Variants in PKHD1 observed in about 807,000 individuals in gnomAD.
PKHD1 encodes the protein fibrocystin.
In PKHD1, 291 loss-of-function variants were observed where a neutral mutation model predicts 412.0. The observed-to-expected ratio is 0.71, with a 90% confidence interval of 0.64 to 0.78. The LOEUF (loss-of-function observed/expected upper bound fraction) is 0.78, where lower values mean the gene tolerates loss of function less well. Ranked by LOEUF, PKHD1 falls within the 30% of genes least tolerant of loss-of-function variation. The pLI, the probability that PKHD1 is intolerant of heterozygous loss-of-function variation, is 0.00. For synonymous variants in PKHD1, 1,777 were observed against 1,821.5 expected (o/e 0.98, Z 0.62); for missense variants, 4,825 against 4,950.7 (o/e 0.97, Z 0.76).
intron 60 of PKHD1, among the ~76,000 whole-genome samples, chr6:51,717,978 CT>C (rs1049764281): frequency 6.6e-6 from 1 of 152,182 alleles, no homozygotes; most frequent in African/African-American, 2.4e-5. Context: ...TCCAAAAGGC[CT>C]TTCTCTCAAC....
intron 57 of PKHD1, among the ~76,000 whole-genome samples, chr6:51,750,812 T>C (rs1168761125): frequency 1.3e-5 from 2 of 152,168 alleles, no homozygotes; most frequent in Admixed American, 1.3e-4. Context: ...AGTTTCACTC[T>C]GTTACCCACA....
At chr6:51,900,296 C>T (rs1465043833) in intron 43 of PKHD1, among the ~76,000 whole-genome samples, 1 of 152,180 alleles carries the variant, frequency 6.6e-6, no homozygotes, top group Non-Finnish European at 1.5e-5. Flanking sequence ...GTAACCAAAA[C>T]AGCATGGTAC....
intron 36 of PKHD1, among the ~76,000 whole-genome samples, chr6:51,949,292 G>A (rs1237280797): frequency 6.6e-6 from 1 of 152,200 alleles, no homozygotes; most frequent in Non-Finnish European, 1.5e-5. Flanking sequence ...GAGGAAGCCT[G>A]TGGAATTCCC....
At chr6:52,049,021 A>G (rs1371882657) in intron 22 of PKHD1, among the ~76,000 whole-genome samples, 1 of 152,242 alleles carries the variant, frequency 6.6e-6, no homozygotes, top group Non-Finnish European at 1.5e-5. Context: ...CCATTGCAGC[A>G]TGCTGTAGGT....
intron 49 of PKHD1, among the ~76,000 whole-genome samples, chr6:51,853,085 C>A (rs1392934756): frequency 6.6e-6 from 1 of 151,866 alleles, no homozygotes; most frequent in Admixed American, 6.6e-5. Flanking sequence ...TCTTTCAGCT[C>A]TTGCAGGGCA....
intron 40 of PKHD1, among the ~76,000 whole-genome samples, chr6:51,908,632 A>T (rs752032227): frequency 1.3e-5 from 2 of 152,098 alleles, no homozygotes; most frequent in Non-Finnish European, 2.9e-5. Context: ...GCATTTGGTC[A>T]TATTCTGTTT....
At position 51,994,139 on chromosome 6, in the gene PKHD1, T is replaced by TC. The variant is rs939241243; in HGVS notation, c.5751+16169_5751+16170insG. On this transcript the variant is annotated intron_variant, in intron 35 of 66. Coordinates refer to ENST00000371117, the MANE Select transcript of PKHD1 (RefSeq NM_138694.4). ...CACTACAGAACACTTTTTTTCTTTC[T>TC]TTTTTTTTTTTTTGAGACACAGTCT... Among the ~76,000 whole-genome samples the TC allele has an allele frequency of 1.5e-4, 7 of 45,168 alleles. No homozygotes were observed. In the Admixed American group the frequency reaches 1.6e-3, roughly 10 times the overall value. The allele number at this position is 45,168 out of a possible 152,430, so 29.6% of individuals were successfully genotyped here. A position where few individuals can be genotyped will look rare whatever the true frequency, so the allele number is the denominator to read the frequency against.
At chr6:51,708,555 T>G (rs1427259166) in intron 60 of PKHD1, among the ~76,000 whole-genome samples, 2 of 152,228 alleles carry the variant, frequency 1.3e-5, no homozygotes, top group South Asian at 2.1e-4. Context: ...TTCTGGGAAC[T>G]GAGATTTCAT....
At chr6:51,664,609 T>G (rs1773415636) in intron 60 of PKHD1, among the ~76,000 whole-genome samples, 1 of 152,192 alleles carries the variant, frequency 6.6e-6, no homozygotes, top group Admixed American at 6.5e-5. Flanking sequence ...AAGATTTTGT[T>G]ACTATGGCTC....
At chr6:51,944,076 G>C (rs950004288) in intron 36 of PKHD1, among the ~76,000 whole-genome samples, 1 of 152,030 alleles carries the variant, frequency 6.6e-6, no homozygotes, top group Non-Finnish European at 1.5e-5. Flanking sequence ...AATCACAAAA[G>C]AAGTGATATT....
intron 10 of PKHD1, 22 bp from the exon 11 acceptor site, chr6:52,069,549 G>A (rs1810282653): frequency 6.3e-7 from 1 of 1,593,080 alleles, no homozygotes; most frequent in South Asian, 1.1e-5. Flanking sequence ...ACAAAGTTCT[G>A]TTTTGAATGA....
At chr6:51,761,524 T>C (rs779783396) in intron 55 of PKHD1, among the ~76,000 whole-genome samples, 1 of 152,090 alleles carries the variant, frequency 6.6e-6, no homozygotes, top group Non-Finnish European at 1.5e-5. Flanking sequence ...AGATCTATTG[T>C]GCAACATAGT....
In PKHD1 at chr6:51,615,631, T is replaced by C. The variant is rs1241852541; in HGVS notation, c.*3450A>G. ...ATTTTATAGAAGCTTGGTTGAATAA[T>C]ATTTGCATATGATTTACATTTGATT... is the stretch of plus-strand genomic sequence containing the variant. On this transcript the variant is annotated 3_prime_UTR_variant, in exon 67 of 67. Coordinates refer to ENST00000371117, the MANE Select transcript of PKHD1 (RefSeq NM_138694.4). 2.6e-5 allele frequency: 4 copies of C among 152,252 alleles called. No homozygotes were observed. Among genetic ancestry groups the C allele is most frequent in the South Asian group, 2.1e-4 (1 of 4,838 alleles). 9.4% of individuals were successfully genotyped at this position (152,252 alleles called of 1,614,324 possible).
intron 63 of PKHD1, among the ~76,000 whole-genome samples, chr6:51,646,368 A>G (rs1464187441): frequency 6.6e-6 from 1 of 152,176 alleles, no homozygotes; most frequent in East Asian, 1.9e-4. Context: ...GTCAGGCAAG[A>G]TCTGTGTGTT....
Position 52,025,776 on chromosome 6 carries a change from C to T in PKHD1, c.4034G>A (p.Gly1345Asp). 6.2e-7 allele frequency: 1 copy of T among 1,614,142 alleles called. No individual in the cohort carries two copies. The highest frequency in any genetic ancestry group is 2.2e-5 in the East Asian group (1 of 44,880). ...NCDVETQSFQ[G>D]NVSLSGCSIP... ...GGAGCATCCAGACAGGCTCACGTTG[C>T]CCTGGAAGGACTGTGTCTCAACATC... The change falls in exon 32 of 67, where the codon GGC becomes GAC. Residue 1345 changes from glycine to aspartate, a missense_variant. Coordinates refer to ENST00000371117, the MANE Select transcript of PKHD1 (RefSeq NM_138694.4).
At chr6:51,867,598 G>A (rs1583112367) in intron 48 of PKHD1, among the ~76,000 whole-genome samples, 1 of 152,088 alleles carries the variant, frequency 6.6e-6, no homozygotes, top group East Asian at 1.9e-4. Flanking sequence ...TTTCTAAGAA[G>A]AAGTTATTAG....
chr6:51,983,912 C>G (rs1310168154), intron 35 of PKHD1, among the ~76,000 whole-genome samples: 1 of 152,192 alleles, frequency 6.6e-6, no homozygotes, highest in Non-Finnish European at 1.5e-5. Flanking sequence ...ACCTGCTATC[C>G]CTGCTCTGTG....
At chr6:52,047,986 G>A (rs1424003491) in intron 23 of PKHD1, among the ~76,000 whole-genome samples, 1 of 152,246 alleles carries the variant, frequency 6.6e-6, no homozygotes, top group African/African-American at 2.4e-5. Flanking sequence ...ACCCTTATAA[G>A]AGAGAGGCAG....
At chr6:51,688,552 C>CT (rs569776771) in intron 60 of PKHD1, among the ~76,000 whole-genome samples, 75 of 151,572 alleles carry the variant, frequency 4.9e-4, no homozygotes, top group African/African-American at 1.7e-3. Flanking sequence ...AGGAGCTATT[C>CT]TTTTTTTAAT....
Sources: gnomAD v4.1 joint callset for allele counts (sites outside exome capture counted in the v4.1 genomes callset) on GRCh38, gnomAD v4.1.1 for gene constraint, MANE v1.5 for transcripts, NCBI Gene and HGNC (gene_info 2026-07-23, HGNC 2026-07-21) for gene names.